The following ADCY2 variants were observed in gnomAD, a reference collection of about 807,000 sequenced individuals.
The protein encoded by ADCY2 is adenylate cyclase 2.
In ADCY2, 31 loss-of-function variants were observed where a neutral mutation model predicts 125.2. The ratio of observed to expected loss-of-function variants is 0.25; its 90% CI spans 0.19 to 0.33. The LOEUF (loss-of-function observed/expected upper bound fraction) is 0.33, where lower values mean the gene tolerates loss of function less well. ADCY2 is among the 10% of genes least tolerant of loss of function. The pLI is 1.00. For missense variants in ADCY2, 904 were observed against 1,418.2 expected, an observed-to-expected ratio of 0.64 and a Z score of 5.82; for synonymous variants, 512 against 548.4, an observed-to-expected ratio of 0.93 and a Z score of 0.93.
At chr5:7,659,765 G>A (rs894013766) in intron 4 of ADCY2, among the ~76,000 whole-genome samples, 3 of 152,162 alleles carry the variant, frequency 2.0e-5, no homozygotes, top group Non-Finnish European at 4.4e-5. Context: ...TGGAAAACTC[G>A]ACTTTGCATT....
At chr5:7,576,711 T>C (rs1213639693) in intron 3 of ADCY2, among the ~76,000 whole-genome samples, 2 of 152,178 alleles carry the variant, frequency 1.3e-5, no homozygotes, top group Non-Finnish European at 2.9e-5. Flanking sequence ...TTTAAATAAC[T>C]TGCTTAAAGG....
At chr5:7,692,756 G>C (rs1177404154) in intron 5 of ADCY2, among the ~76,000 whole-genome samples, 1 of 152,074 alleles carries the variant, frequency 6.6e-6, no homozygotes, top group Non-Finnish European at 1.5e-5. Flanking sequence ...CATTCCCTCA[G>C]TTTTCTTCTG....
chr5:7,495,277 T>C lies in ADCY2; in HGVS notation c.409-25461T>C, dbSNP rs77047812. On this transcript the variant is annotated intron_variant, in intron 2 of 24. Coordinates refer to ENST00000338316, the MANE Select transcript of ADCY2 (RefSeq NM_020546.3). ...GTTAAATTGGCTTCGTGGGAACTTG[T>C]GCCCTTGTTCCTTGTGTGCCAGGAA... Among the ~76,000 whole-genome samples, 1,456 of 152,304 alleles carry C rather than the reference T, an allele frequency of 9.6e-3. 6 individuals are homozygous for C. Among genetic ancestry groups the C allele is most frequent in the Non-Finnish European group, 0.015 (1,019 of 68,032 alleles).
intron 20 of ADCY2, chr5:7,798,639 G>C (rs1561010677): frequency 6.8e-6 from 1 of 146,098 alleles, no homozygotes; most frequent in Non-Finnish European, 1.5e-5. Context: ...GAGTGCAGTG[G>C]CACGATCTCG....
At chr5:7,652,873 T>C (rs572579245) in intron 4 of ADCY2, among the ~76,000 whole-genome samples, 29 of 152,284 alleles carry the variant, frequency 1.9e-4, no homozygotes, top group African/African-American at 7.0e-4. Flanking sequence ...CTGTCACTAT[T>C]ACATACATTT....
chr5:7,452,537 A>G (rs1233830729), intron 2 of ADCY2, among the ~76,000 whole-genome samples: 1 of 152,146 alleles, frequency 6.6e-6, no homozygotes, highest in Non-Finnish European at 1.5e-5. Flanking sequence ...ATATCTTTAT[A>G]ATTGTGAAAT....
chr5:7,784,307 C>A, intron 18 of ADCY2, 58 bp from the exon 19 acceptor site: 1 of 1,207,252 alleles, frequency 8.3e-7, no homozygotes, highest in East Asian at 2.3e-5. Context: ...AATTCTAAGT[C>A]CTGTATGCGT....
intron 22 of ADCY2, among the ~76,000 whole-genome samples, chr5:7,816,624 T>G (rs936904025): frequency 6.6e-6 from 1 of 152,262 alleles, no homozygotes; most frequent in Non-Finnish European, 1.5e-5. Context: ...GCCCGCATGA[T>G]GCGTTTGGCC....
intron 18 of ADCY2, among the ~76,000 whole-genome samples, chr5:7,776,404 TG>T (rs1426542250): frequency 6.6e-6 from 1 of 152,102 alleles, no homozygotes; most frequent in Non-Finnish European, 1.5e-5. Flanking sequence ...GCCACATTCT[TG>T]CCTCATTCTT....
chr5:7,744,984 C>T (rs373352233), intron 15 of ADCY2, among the ~76,000 whole-genome samples: 1 of 152,158 alleles, frequency 6.6e-6, no homozygotes, highest in East Asian at 1.9e-4. Flanking sequence ...TGTGGCCTGT[C>T]TGTTACCTCT....
intron 12 of ADCY2, among the ~76,000 whole-genome samples, chr5:7,721,536 C>G (rs1220663359): frequency 6.6e-6 from 1 of 152,206 alleles, no homozygotes; most frequent in Non-Finnish European, 1.5e-5. Context: ...TTTAGGTCAA[C>G]ATTTAAGTCT....
chr5:7,706,876 C>T lies in ADCY2; in HGVS notation c.1242C>T (p.Asn414=), dbSNP rs75986905. ...DVWSHDVTLA[N]HMEAGGVPGR... ...GGTCACATGATGTGACCTTGGCCAA[C>T]CACATGGAAGCTGGAGGGGTCCCTG... Residue 414 remains asparagine (N), a synonymous_variant, in exon 8 of 25, where the codon AAC becomes AAT. Coordinates refer to ENST00000338316, the MANE Select transcript of ADCY2 (RefSeq NM_020546.3). The T allele has an allele frequency of 2.2e-3, 3,520 of 1,614,160 alleles. 48 individuals are homozygous for T. In the African/African-American group the frequency reaches 0.041, roughly 19 times the overall value.
intron 15 of ADCY2, among the ~76,000 whole-genome samples, chr5:7,752,404 T>A (rs1381088247): frequency 1.3e-5 from 2 of 152,158 alleles, no homozygotes; most frequent in African/African-American, 2.4e-5. Context: ...GCAAGATTTT[T>A]AAGATGGATT....
At chr5:7,612,861 A>G (rs1405424669) in intron 3 of ADCY2, among the ~76,000 whole-genome samples, 6 of 152,128 alleles carry the variant, frequency 3.9e-5, no homozygotes, top group Admixed American at 1.3e-4. Flanking sequence ...CTGAAAATAC[A>G]AAGAATTAGC....
intron 10 of ADCY2, among the ~76,000 whole-genome samples, chr5:7,712,220 A>G (rs1246484913): frequency 6.6e-6 from 1 of 152,142 alleles, no homozygotes; most frequent in African/African-American, 2.4e-5. Flanking sequence ...TTTCATTCCC[A>G]CTATAAATGT....
At chr5:7,581,307 AAC>A (rs111407808) in intron 3 of ADCY2, among the ~76,000 whole-genome samples, 4,264 of 152,248 alleles carry the variant, frequency 0.028, 187 homozygotes, top group African/African-American at 0.097. Flanking sequence ...CACACATACA[AAC>A]ACACATATAT....
chr5:7,549,703 G>A (rs967526681), intron 3 of ADCY2, among the ~76,000 whole-genome samples: 3 of 152,162 alleles, frequency 2.0e-5, no homozygotes, highest in East Asian at 3.9e-4. Flanking sequence ...CATTTTTAGG[G>A]CCCTACGAAG....
At chr5:7,626,436 C>A in intron 4 of ADCY2, 120 bp downstream of exon 4, 1 of 1,175,902 alleles carries the variant, frequency 8.5e-7, no homozygotes, top group Non-Finnish European at 1.2e-6. Context: ...GAGAAGAAAC[C>A]CTGGGCTCTG....
chr5:7,810,056 C>A (rs1332627215), intron 22 of ADCY2, among the ~76,000 whole-genome samples: 3 of 152,228 alleles, frequency 2.0e-5, no homozygotes, highest in African/African-American at 7.2e-5. Flanking sequence ...AGACCTCACT[C>A]TCTTCTAAGC....
Sources: allele counts gnomAD v4.1 joint callset (sites outside exome capture counted in the v4.1 genomes callset), GRCh38; gene constraint gnomAD v4.1.1; transcripts MANE v1.5; gene names NCBI Gene and HGNC (gene_info 2026-07-23, HGNC 2026-07-21).